MANBA: variants seen among roughly 807,000 people sequenced by gnomAD.
MANBA encodes the protein mannosidase beta.
Under a neutral mutation model 111.1 loss-of-function variants are expected in MANBA, and 83 were observed. That is an observed-to-expected ratio of 0.75 (90% CI 0.63 to 0.90). MANBA has a LOEUF of 0.90. Ranked by LOEUF, MANBA falls within the 40% of genes least tolerant of loss-of-function variation. The pLI, the probability that MANBA is intolerant of heterozygous loss-of-function variation, is 0.00. For missense variants in MANBA, 1,036 were observed against 1,069.0 expected, an observed-to-expected ratio of 0.97 and a Z score of 0.43; for synonymous variants, 370 against 378.7, an observed-to-expected ratio of 0.98 and a Z score of 0.27.
At chr4:102,750,643 C>T (rs1000914844) in intron 1 of MANBA, among the ~76,000 whole-genome samples, 6 of 152,044 alleles carry the variant, frequency 3.9e-5, no homozygotes, top group Admixed American at 1.3e-4. Flanking sequence ...CCAGGAGCAG[C>T]GGTTCACACC....
chr4:102,656,879 T>C (rs1022869713), intron 12 of MANBA, among the ~76,000 whole-genome samples: 24 of 152,130 alleles, frequency 1.6e-4, no homozygotes, highest in Non-Finnish European at 2.8e-4. Flanking sequence ...AAGGAAACTA[T>C]AGACACAGAA....
rs1369292865 is a variant in MANBA at position 102,631,316 on chromosome 4, T to C, written c.*741A>G. On this transcript the variant is annotated 3_prime_UTR_variant, in exon 17 of 17. Coordinates refer to ENST00000647097, the MANE Select transcript of MANBA (RefSeq NM_005908.4). ...CTTTGCTGGTCCATTCTATAACCAA[T>C]TACATGACTGTTTCCAGAGAAAACC... The C allele has an allele frequency of 6.4e-6, 1 of 155,882 alleles. No homozygotes were observed. 9.7% of individuals were successfully genotyped at this position (155,882 alleles called of 1,614,324 possible). A position where few individuals can be genotyped will look rare whatever the true frequency, so the allele number is the denominator to read the frequency against.
At chr4:102,693,842 G>A (rs1283092338) in intron 5 of MANBA, among the ~76,000 whole-genome samples, 2 of 149,616 alleles carry the variant, frequency 1.3e-5, no homozygotes, top group African/African-American at 5.1e-5. Flanking sequence ...TATCTCTAAT[G>A]ACAAAAAAAC....
intron 7 of MANBA, among the ~76,000 whole-genome samples, chr4:102,675,287 A>T (rs1403772478): frequency 1.3e-5 from 2 of 152,232 alleles, no homozygotes; most frequent in Admixed American, 6.5e-5. Context: ...TCTGAGTGTC[A>T]GTGGAATTTT....
Position 102,634,978 on chromosome 4 carries a change from T to A in MANBA, c.2225A>T (p.Lys742Ile). 1 of 1,614,146 alleles carries A rather than the reference T, an allele frequency of 6.2e-7. No individual in the cohort carries two copies. The highest frequency in any genetic ancestry group is 8.5e-7 in the Non-Finnish European group (1 of 1,180,026). ...ATAAAGGCAGACAGCCTCTCCTCCT[T>A]TCATCACAAAACGTTCAGTCACACG... is the stretch of plus-strand genomic sequence containing the variant. ...CSRVTERFVM[K>I]GGEAVCLYEE... The change falls in exon 16 of 17, where the codon AAA (lysine) becomes ATA (isoleucine). Residue 742 changes from lysine (K) to isoleucine (I), a missense_variant. Transcript: ENST00000647097.
At chr4:102,707,397 T>C (rs1403789717) in intron 5 of MANBA, among the ~76,000 whole-genome samples, 1 of 152,134 alleles carries the variant, frequency 6.6e-6, no homozygotes, top group Non-Finnish European at 1.5e-5. Context: ...AGGGAATTCA[T>C]CACCACTAGA....
At chr4:102,633,029 TTA>T (rs1322323076) in intron 16 of MANBA, among the ~76,000 whole-genome samples, 9 of 152,244 alleles carry the variant, frequency 5.9e-5, no homozygotes, top group Admixed American at 5.2e-4. Flanking sequence ...CAGTCTTACA[TTA>T]TATGTTATGT....
At chr4:102,727,428 A>G in intron 1 of MANBA, 1 of 1,187,456 alleles carries the variant, frequency 8.4e-7, no homozygotes, top group Admixed American at 1.7e-5. Flanking sequence ...TGAGCTTGGT[A>G]TAGGCCAATT....
intron 12 of MANBA, among the ~76,000 whole-genome samples, chr4:102,656,544 G>A (rs1219805465): frequency 1.3e-5 from 2 of 152,090 alleles, no homozygotes; most frequent in Non-Finnish European, 1.5e-5. Context: ...TAAAGATAGA[G>A]CTACCATATG....
chr4:102,689,378 ATGTGTG>A (rs34188354), intron 7 of MANBA, among the ~76,000 whole-genome samples, 190 bp downstream of exon 7: 6 of 140,238 alleles, frequency 4.3e-5, no homozygotes, highest in South Asian at 2.2e-4. Flanking sequence ...ATATATATAT[ATGTGTG>A]TGTGTATATA....
At chr4:102,682,340 T>C (rs576208729) in intron 7 of MANBA, among the ~76,000 whole-genome samples, 4 of 152,204 alleles carry the variant, frequency 2.6e-5, no homozygotes, top group Admixed American at 1.3e-4. Flanking sequence ...AAGTATTCTA[T>C]CACTGGCATT....
chr4:102,695,779 T>C (rs1732680837), intron 5 of MANBA, among the ~76,000 whole-genome samples: 1 of 152,154 alleles, frequency 6.6e-6, no homozygotes, highest in African/African-American at 2.4e-5. Flanking sequence ...ACGATTGACA[T>C]TTGTATATGA....
intron 5 of MANBA, among the ~76,000 whole-genome samples, chr4:102,711,495 T>C (rs1214349961): frequency 6.6e-6 from 1 of 152,098 alleles, no homozygotes; most frequent in Non-Finnish European, 1.5e-5. Flanking sequence ...AGAGGAAACA[T>C]TTATACACGG....
chr4:102,662,228 C>T (rs1304554280), intron 11 of MANBA, among the ~76,000 whole-genome samples: 3 of 151,996 alleles, frequency 2.0e-5, no homozygotes, highest in East Asian at 1.9e-4. Context: ...ATGATGATGA[C>T]GATGGCTAGT....
At chr4:102,722,699 C>A in intron 4 of MANBA, 172 bp downstream of exon 4, 1 of 684,088 alleles carries the variant, frequency 1.5e-6, no homozygotes, top group Admixed American at 2.4e-5. Flanking sequence ...AGATTCTCCA[C>A]AATATTTCAA....
chr4:102,738,777 A>C (rs937898168), intron 1 of MANBA, among the ~76,000 whole-genome samples: 5 of 152,214 alleles, frequency 3.3e-5, no homozygotes, highest in African/African-American at 1.2e-4. Context: ...CAAATAAACA[A>C]TTCAGAAGGT....
At chr4:102,710,273 T>C (rs1350025603) in intron 5 of MANBA, among the ~76,000 whole-genome samples, 2 of 152,054 alleles carry the variant, frequency 1.3e-5, no homozygotes, top group Non-Finnish European at 2.9e-5. Flanking sequence ...GGAAGATTCA[T>C]AAAAAAATTC....
chr4:102,643,870 G>C (rs1729989159), intron 13 of MANBA, among the ~76,000 whole-genome samples: 1 of 151,986 alleles, frequency 6.6e-6, no homozygotes, highest in South Asian at 2.1e-4. Context: ...AGCGTCTTTT[G>C]CCATACAAAA....
intron 13 of MANBA, among the ~76,000 whole-genome samples, chr4:102,642,319 C>A (rs1362851286): frequency 6.6e-6 from 1 of 152,068 alleles, no homozygotes; most frequent in Non-Finnish European, 1.5e-5. Flanking sequence ...TAAAAATATG[C>A]CTATTTGGCT....
Sources: gnomAD v4.1 joint callset for allele counts (sites outside exome capture counted in the v4.1 genomes callset) on GRCh38, gnomAD v4.1.1 for gene constraint, MANE v1.5 for transcripts, NCBI Gene and HGNC (gene_info 2026-07-23, HGNC 2026-07-21) for gene names.